Variants in GTF2I observed in about 807,000 individuals in gnomAD.
GTF2I encodes general transcription factor IIi.
In GTF2I, 12 loss-of-function variants were observed where a neutral mutation model predicts 67.6. The ratio of observed to expected loss-of-function variants is 0.18; its 90% CI spans 0.11 to 0.29. The LOEUF is 0.29. Among genes scored for constraint, GTF2I ranks in the 10% least tolerant of loss-of-function variants. The probability of loss-of-function intolerance (pLI) is 1.00; values close to 1 mark genes in which losing one functional copy is unlikely to be tolerated. For synonymous variants in GTF2I, 149 were observed against 197.0 expected (o/e 0.76, Z 2.04); for missense variants, 271 against 580.1 (o/e 0.47, Z 5.47).
chr7:74,685,449 A>G, intron 1 of GTF2I, among the ~76,000 whole-genome samples: 1 of 152,136 alleles, frequency 6.6e-6, no homozygotes, highest in East Asian at 1.9e-4. Flanking sequence ...GTGAGCTGAG[A>G]TAGCGCCATT....
At chr7:74,689,346 TAC>T (rs375510587) in intron 2 of GTF2I, 119 bp downstream of exon 2, 6 of 430,540 alleles carry the variant, frequency 1.4e-5, no homozygotes, top group Non-Finnish European at 2.0e-5. Flanking sequence ...ACTTTTTCTT[TAC>T]TTTTTTTTTT....
intron 15 of GTF2I, 157 bp from the exon 16 acceptor site, chr7:74,733,766 A>AG (rs1794676325): frequency 1.6e-5 from 4 of 256,548 alleles, no homozygotes; most frequent in Non-Finnish European, 2.6e-5. Context: ...ACTCCGTCTC[A>AG]GGAAAAAAAA....
chr7:74,713,835 A>T (rs1306807714), intron 9 of GTF2I, among the ~76,000 whole-genome samples: 5 of 152,206 alleles, frequency 3.3e-5, no homozygotes, highest in Non-Finnish European at 7.4e-5. Flanking sequence ...CAGAGTCAGA[A>T]GACTAGGAAG....
intron 1 of GTF2I, among the ~76,000 whole-genome samples, chr7:74,660,827 G>A (rs1251774303): frequency 1.3e-5 from 2 of 151,858 alleles, no homozygotes; most frequent in African/African-American, 2.4e-5. Flanking sequence ...CCTAGTCACT[G>A]GGTGTTGAGC....
chr7:74,691,813 G>A (rs1788335980), intron 3 of GTF2I, among the ~76,000 whole-genome samples: 2 of 151,410 alleles, frequency 1.3e-5, no homozygotes, highest in Non-Finnish European at 2.9e-5. Context: ...TTCACTCTTG[G>A]CCCCCTGGGC....
intron 1 of GTF2I, among the ~76,000 whole-genome samples, chr7:74,664,315 C>A (rs145816453): frequency 6.6e-6 from 1 of 152,224 alleles, no homozygotes; most frequent in Non-Finnish European, 1.5e-5. Context: ...CTGTTTCTGG[C>A]AGTACTCATT....
At chr7:74,668,167 G>A in intron 1 of GTF2I, among the ~76,000 whole-genome samples, 1 of 134,032 alleles carries the variant, frequency 7.5e-6, no homozygotes, top group East Asian at 2.4e-4. Flanking sequence ...GTTCAGTGGT[G>A]CAGAACTTTT....
chr7:74,710,475 A>G (rs1433993449), intron 8 of GTF2I, among the ~76,000 whole-genome samples: 1 of 152,116 alleles, frequency 6.6e-6, no homozygotes, highest in Non-Finnish European at 1.5e-5. Flanking sequence ...ATTACACAAC[A>G]TGTACTCTTT....
intron 3 of GTF2I, among the ~76,000 whole-genome samples, chr7:74,698,701 T>C (rs1306726290): frequency 6.6e-6 from 1 of 152,064 alleles, no homozygotes; most frequent in Non-Finnish European, 1.5e-5. Flanking sequence ...CGTGAGCCCT[T>C]GGGCTTGTCC....
At chr7:74,725,186 G>A (rs1584289891) in intron 12 of GTF2I, among the ~76,000 whole-genome samples, 4 of 152,078 alleles carry the variant, frequency 2.6e-5, no homozygotes. Context: ...ATTTTAGGTC[G>A]AGAAACCCAT....
chr7:74,713,968 G>T (rs1448651137), intron 9 of GTF2I, among the ~76,000 whole-genome samples: 1 of 151,906 alleles, frequency 6.6e-6, no homozygotes, highest in Non-Finnish European at 1.5e-5. Context: ...TGTGTCCTTT[G>T]CCTGTAATGT....
chr7:74,714,885 T>G lies in GTF2I; in HGVS notation c.792T>G (p.Asp264Glu), dbSNP rs782406901. The G allele has an allele frequency of 2.5e-6, 4 of 1,608,046 alleles. No homozygotes were observed. In the African/African-American group the frequency reaches 4.0e-5, roughly 16 times the overall value. ...GCCCTTCTGAAACTGATGATGTTGATGAAAAACAGCCCCTATCGAAGCCTT... is the reference window on the plus strand; with the variant it reads ...GCCCTTCTGAAACTGATGATGTTGAGGAAAAACAGCCCCTATCGAAGCCTT... The part of the protein sequence containing the change: ...QAGPSETDDV[D>E]EKQPLSKPLQ... Residue 264 changes from aspartate (D) to glutamate (E), a missense_variant, in exon 10 of 35, where the codon GAT becomes GAG. Transcript: ENST00000573035.
chr7:74,719,118 A>G (rs1792613753), intron 12 of GTF2I, among the ~76,000 whole-genome samples, 177 bp downstream of exon 12: 1 of 152,230 alleles, frequency 6.6e-6, no homozygotes, highest in Non-Finnish European at 1.5e-5. Flanking sequence ...TTTAGATGAC[A>G]GAATGAGGCC....
chr7:74,700,185 C>T (rs946241464), intron 4 of GTF2I, 62 bp from the exon 5 acceptor site: 17 of 1,546,426 alleles, frequency 1.1e-5, no homozygotes, highest in African/African-American at 1.4e-5. Flanking sequence ...AATAAGCTAG[C>T]GATGATTTCA....
intron 8 of GTF2I, among the ~76,000 whole-genome samples, chr7:74,710,520 T>C (rs781934004): frequency 6.6e-6 from 1 of 152,200 alleles, no homozygotes; most frequent in Non-Finnish European, 1.5e-5. Context: ...TCAAATCATC[T>C]GTCCTAATTG....
At chr7:74,697,240 C>G (rs1289342311) in intron 3 of GTF2I, among the ~76,000 whole-genome samples, 1 of 151,806 alleles carries the variant, frequency 6.6e-6, no homozygotes, top group Non-Finnish European at 1.5e-5. Flanking sequence ...ACTAAAAATA[C>G]AAAAATTAGC....
At chr7:74,686,093 G>A (rs587616931) in intron 1 of GTF2I, among the ~76,000 whole-genome samples, 1 of 152,310 alleles carries the variant, frequency 6.6e-6, no homozygotes, top group South Asian at 2.1e-4. Flanking sequence ...ACCAATCAGA[G>A]GCTGAAGTGA....
intron 1 of GTF2I, among the ~76,000 whole-genome samples, chr7:74,669,065 A>G (rs1420629732): frequency 1.3e-5 from 2 of 151,940 alleles, no homozygotes; most frequent in East Asian, 1.9e-4. Context: ...CATGTCGGGA[A>G]CAGTAACTAT....
chr7:74,668,125 C>T (rs1420722757), intron 1 of GTF2I, among the ~76,000 whole-genome samples: 1 of 151,654 alleles, frequency 6.6e-6, no homozygotes, highest in Non-Finnish European at 1.5e-5. Flanking sequence ...AGCCACCGCG[C>T]CCAGTCTTAA....
Sources: gnomAD v4.1 joint callset for allele counts (sites outside exome capture counted in the v4.1 genomes callset) on GRCh38, gnomAD v4.1.1 for gene constraint, MANE v1.5 for transcripts, NCBI Gene and HGNC (gene_info 2026-07-23, HGNC 2026-07-21) for gene names.